Variants in DENND1A observed in about 807,000 individuals in gnomAD.
DENND1A encodes the protein DENN domain containing 1A.
A neutral mutation model predicts 113.7 loss-of-function variants in DENND1A; 51 were observed. The ratio of observed to expected loss-of-function variants is 0.45; its 90% CI spans 0.36 to 0.57. The LOEUF (loss-of-function observed/expected upper bound fraction) is 0.57, where lower values mean the gene tolerates loss of function less well. Among genes scored for constraint, DENND1A ranks in the 20% least tolerant of loss-of-function variants. The pLI is 0.00. For missense variants in DENND1A, 1,258 were observed against 1,395.9 expected (o/e 0.90, Z 1.57); for synonymous variants, 565 against 570.8 (o/e 0.99, Z 0.14).
chr9:123,398,734 C>T (rs1430195481), intron 21 of DENND1A, among the ~76,000 whole-genome samples: 1 of 151,194 alleles, frequency 6.6e-6, no homozygotes, highest in Admixed American at 6.6e-5. Flanking sequence ...ACCTGGCAGA[C>T]CAAAAGGAAG....
intron 2 of DENND1A, among the ~76,000 whole-genome samples, chr9:123,858,053 C>T (rs1051972807): frequency 5.7e-5 from 8 of 140,458 alleles, no homozygotes; most frequent in Admixed American, 1.4e-4. Flanking sequence ...AGCGAGACTC[C>T]GTCTCAAAAA....
chr9:123,445,388 T>C (rs1316440333), intron 18 of DENND1A, among the ~76,000 whole-genome samples: 1 of 151,780 alleles, frequency 6.6e-6, no homozygotes, highest in African/African-American at 2.4e-5. Flanking sequence ...GGCAAGGAGG[T>C]GGAAGGTTTG....
chr9:123,570,141 T>C (rs2058276684), intron 12 of DENND1A, among the ~76,000 whole-genome samples: 1 of 152,162 alleles, frequency 6.6e-6, no homozygotes, highest in African/African-American at 2.4e-5. Context: ...GGATGACTGT[T>C]TCTCAAGTGT....
intron 2 of DENND1A, among the ~76,000 whole-genome samples, chr9:123,795,419 T>C (rs975284122): frequency 2.6e-5 from 4 of 152,148 alleles, no homozygotes; most frequent in African/African-American, 9.7e-5. Flanking sequence ...GTTAAAAAGG[T>C]CCAAATACAA....
intron 8 of DENND1A, among the ~76,000 whole-genome samples, chr9:123,657,189 C>T (rs1012248699): frequency 6.6e-6 from 1 of 152,150 alleles, no homozygotes; most frequent in Admixed American, 6.5e-5. Flanking sequence ...CGTTGGTAAG[C>T]GTCAGGTCAA....
chr9:123,639,113 C>T (rs1247061763), intron 9 of DENND1A, among the ~76,000 whole-genome samples: 2 of 149,246 alleles, frequency 1.3e-5, no homozygotes, highest in Non-Finnish European at 3.0e-5. Flanking sequence ...GGACTGTTCC[C>T]TGTAGTTTTC....
At position 123,879,130 on chromosome 9, in the gene DENND1A, T is replaced by C. The variant is rs2133561119; in HGVS notation, c.18-109A>G. ...TTCCTTGAAATCATTAGCTCACAAC[T>C]TAATGGCCGTGGAACTTTGGACAAG... is the stretch of plus-strand genomic sequence containing the variant. On this transcript the variant is annotated intron_variant, in intron 1 of 23. Transcript: ENST00000394215. 3 of 1,062,012 alleles carry C rather than the reference T, an allele frequency of 2.8e-6. No homozygotes were observed. The East Asian group carries it at 7.6e-5, about 27-fold the overall frequency. The allele number at this position is 1,062,012 out of a possible 1,614,324, so 65.8% of individuals were successfully genotyped here. A position where few individuals can be genotyped will look rare whatever the true frequency, so the allele number is the denominator to read the frequency against.
chr9:123,736,403 G>C (rs1252403848), intron 5 of DENND1A: 1 of 152,150 alleles, frequency 6.6e-6, no homozygotes, highest in Non-Finnish European at 1.5e-5. Context: ...GTCATGCTAT[G>C]ATGTCACAAG....
intron 10 of DENND1A, among the ~76,000 whole-genome samples, chr9:123,626,107 G>C (rs1380200476): frequency 5.3e-5 from 8 of 151,898 alleles, no homozygotes; most frequent in Non-Finnish European, 1.0e-4. Flanking sequence ...TGCCCAGGCT[G>C]GTCTCAAACT....
rs762739882 is a variant in DENND1A at position 123,382,070 on chromosome 9, G to C, written c.2575C>G (p.Leu859Val). ...TTCGGGGTGGCGGGGCGTGACGGGA[G>C]GGTGCTGCCTGACCAGGCTGTGCTG... ...PLSTAWSGSTLPSRPATPNVA... is the reference protein window; with the variant it reads ...PLSTAWSGSTVPSRPATPNVA... The change falls in exon 24 of 24, where the codon CTC (leucine) becomes GTC (valine). Residue 859 changes from leucine (L) to valine (V), a missense_variant. Physicochemically the swap from Leu to Val is conservative, Grantham distance 32 (BLOSUM62 1). Around this residue, in one of 2 missense-constraint regions of DENND1A, gnomAD observed 1,159 missense variants for 1,231.7 expected, o/e 0.94. Transcript: ENST00000394215. The C allele has an allele frequency of 6.6e-7, 1 of 1,513,670 alleles. No homozygotes were observed. Among genetic ancestry groups the C allele is most frequent in the African/African-American group, 1.4e-5 (1 of 72,140 alleles). 93.8% of individuals were successfully genotyped at this position (1,513,670 alleles called of 1,614,324 possible).
chr9:123,392,477 A>G (rs2042906641), intron 21 of DENND1A, among the ~76,000 whole-genome samples: 1 of 152,166 alleles, frequency 6.6e-6, no homozygotes, highest in Non-Finnish European at 1.5e-5. Flanking sequence ...TGTCTTGGCT[A>G]CGCTGTGTCC....
chr9:123,864,877 C>T (rs773030672), intron 2 of DENND1A, among the ~76,000 whole-genome samples: 3 of 152,150 alleles, frequency 2.0e-5, no homozygotes, highest in Non-Finnish European at 4.4e-5. Context: ...AACAAATACA[C>T]ACTGAGTGCC....
chr9:123,491,889 T>C (rs2051406040), intron 13 of DENND1A: 1 of 152,166 alleles, frequency 6.6e-6, no homozygotes, highest in African/African-American at 2.4e-5. Context: ...GGAGGGGAGT[T>C]TGCTATTGGG....
chr9:123,667,721 C>A (rs1023166541), intron 7 of DENND1A, among the ~76,000 whole-genome samples: 2 of 152,182 alleles, frequency 1.3e-5, no homozygotes, highest in African/African-American at 4.8e-5. Flanking sequence ...ATTCTAGGAA[C>A]AAAATATCAC....
Position 123,830,300 on chromosome 9 carries a change from C to T in DENND1A, c.89-37670G>A, listed in dbSNP as rs185134260. Among the ~76,000 whole-genome samples the T allele has an allele frequency of 4.6e-5, 7 of 152,046 alleles. No homozygotes were observed. The East Asian group carries it at 9.7e-4, about 21-fold the overall frequency. ...TCTATAAGGTTTAAGAAAAGCAAAA[C>T]TAATCTATGGTAACATAAATCAGAA... On this transcript the variant is annotated intron_variant, in intron 2 of 23. Transcript: ENST00000394215.
intron 1 of DENND1A, among the ~76,000 whole-genome samples, chr9:123,881,388 G>A (rs1164539548): frequency 2.0e-5 from 3 of 152,192 alleles, no homozygotes; most frequent in Non-Finnish European, 2.9e-5. Context: ...GTTCTTTCAT[G>A]AGTAATAGGT....
chr9:123,871,066 A>G (rs1014679208), intron 2 of DENND1A, among the ~76,000 whole-genome samples: 1 of 152,116 alleles, frequency 6.6e-6, no homozygotes, highest in Non-Finnish European at 1.5e-5. Flanking sequence ...ACTTCTCAGG[A>G]GACAACAAGT....
intron 21 of DENND1A, among the ~76,000 whole-genome samples, chr9:123,393,797 C>T (rs1296975906): frequency 6.6e-6 from 1 of 152,186 alleles, no homozygotes; most frequent in African/African-American, 2.4e-5. Context: ...TGCCACAAGT[C>T]ACGATCACCA....
At chr9:123,911,472 T>C (rs910545149) in intron 1 of DENND1A, among the ~76,000 whole-genome samples, 12 of 152,202 alleles carry the variant, frequency 7.9e-5, no homozygotes, top group African/African-American at 2.9e-4. Context: ...TATAAGAATA[T>C]TCATAACAAC....
Sources: gnomAD v4.1 joint callset for allele counts (sites outside exome capture counted in the v4.1 genomes callset) on GRCh38, gnomAD v4.1.1 for gene constraint, gnomAD v4.1.1 regional missense constraint, MANE v1.5 for transcripts, NCBI Gene and HGNC (gene_info 2026-07-23, HGNC 2026-07-21) for gene names.